The following STARD13 variants were observed in gnomAD, a reference collection of about 807,000 sequenced individuals.
STARD13 encodes StAR related lipid transfer domain containing 13, also known as stAR-related lipid transfer protein 13.
Under a neutral mutation model 106.4 loss-of-function variants are expected in STARD13, and 62 were observed. That is an observed-to-expected ratio of 0.58 (90% CI 0.48 to 0.72). The LOEUF (loss-of-function observed/expected upper bound fraction) is 0.72. STARD13 is among the 30% of genes least tolerant of loss of function. The pLI, the probability that STARD13 is intolerant of heterozygous loss-of-function variation, is 0.00. For missense variants in STARD13, 1,387 were observed against 1,424.0 expected (o/e 0.97, Z 0.42); for synonymous variants, 565 against 553.0 (o/e 1.02, Z -0.31).
the STARD13 span, among the ~76,000 whole-genome samples, chr13:33,515,219 T>G: frequency 6.6e-6 from 1 of 152,196 alleles, no homozygotes; most frequent in Non-Finnish European, 1.5e-5. Context: ...CCCTTTACTC[T>G]AATGAAGAGT....
the STARD13 span, among the ~76,000 whole-genome samples, chr13:33,648,783 C>CTTTTTTTT: frequency 6.9e-4 from 53 of 76,980 alleles, 1 homozygote; most frequent in African/African-American, 1.3e-3. Context: ...TTTTCTCTTT[C>CTTTTTTTT]TTTTTTTTTT....
At chr13:33,366,690 C>T in the STARD13 span, among the ~76,000 whole-genome samples, 6 of 152,268 alleles carry the variant, frequency 3.9e-5, no homozygotes, top group African/African-American at 9.6e-5. The surrounding 1 kb of genome is among the most constrained non-coding windows in gnomAD (Gnocchi z 4.2). Context: ...TCAGTAACAA[C>T]GATAGTATTG....
intron 1 of STARD13, among the ~76,000 whole-genome samples, chr13:33,267,230 G>T (rs1890940449): frequency 1.3e-5 from 2 of 152,168 alleles, no homozygotes; most frequent in Admixed American, 1.3e-4. Context: ...TTTGAAGGAA[G>T]ACACATAAAA....
chr13:33,327,917 G>T (rs2077794773), intron 1 of STARD13, among the ~76,000 whole-genome samples: 1 of 152,172 alleles, frequency 6.6e-6, no homozygotes, highest in Non-Finnish European at 1.5e-5. Flanking sequence ...TTCTTGTGCG[G>T]TTCAAAAGTT....
intron 1 of STARD13, among the ~76,000 whole-genome samples, chr13:33,311,129 TAAAA>T (rs35391177): frequency 2.3e-5 from 3 of 128,444 alleles, no homozygotes; most frequent in African/African-American, 8.5e-5. Flanking sequence ...CACCATTTCT[TAAAA>T]AAAAAAAAAA....
intron 7 of STARD13, among the ~76,000 whole-genome samples, chr13:33,119,412 C>T (rs1467073947): frequency 6.6e-6 from 1 of 152,170 alleles, no homozygotes; most frequent in Non-Finnish European, 1.5e-5. Context: ...CTCATCCCCC[C>T]TATACCTGGA....
At chr13:33,430,856 TA>T in the STARD13 span, among the ~76,000 whole-genome samples, 33 of 151,988 alleles carry the variant, frequency 2.2e-4, no homozygotes, top group African/African-American at 7.5e-4. Context: ...ATGTGGGAGC[TA>T]AAAAAGTGGA....
At chr13:33,186,155 A>G (rs540947457) in intron 1 of STARD13, 4 of 1,042,830 alleles carry the variant, frequency 3.8e-6, no homozygotes, top group African/African-American at 1.6e-5. Flanking sequence ...AAGCCTCCAC[A>G]CTTCCTTTCC....
intron 1 of STARD13, among the ~76,000 whole-genome samples, chr13:33,234,105 G>C (rs1566089253): frequency 6.6e-6 from 1 of 152,150 alleles, no homozygotes; most frequent in Non-Finnish European, 1.5e-5. Flanking sequence ...CGTACAAATA[G>C]AAAAATATGC....
At chr13:33,123,062 A>AAAAAAAAAAAAAG (rs1876600832) in intron 7 of STARD13, among the ~76,000 whole-genome samples, 1 of 149,438 alleles carries the variant, frequency 6.7e-6, no homozygotes, top group Non-Finnish European at 1.5e-5. Flanking sequence ...TCTCAAAAAA[A>AAAAAAAAAAAAAG]AAAAAAAAAA....
the STARD13 span, among the ~76,000 whole-genome samples, chr13:33,507,819 C>T: frequency 2.7e-4 from 41 of 151,730 alleles, no homozygotes; most frequent in African/African-American, 8.2e-4. Flanking sequence ...GAAAATCATA[C>T]GGAAGAGAAA....
chr13:33,446,579 G>C, the STARD13 span, among the ~76,000 whole-genome samples: 2 of 151,900 alleles, frequency 1.3e-5, no homozygotes, highest in African/African-American at 2.4e-5. Flanking sequence ...TTATACATAA[G>C]AGTAAAATGA....
chr13:33,372,764 C>T, the STARD13 span, among the ~76,000 whole-genome samples: 7 of 151,462 alleles, frequency 4.6e-5, no homozygotes, highest in Admixed American at 1.3e-4. Flanking sequence ...AAAGTAAAAC[C>T]GAGACAGGAT....
intron 1 of STARD13, among the ~76,000 whole-genome samples, chr13:33,315,601 C>T (rs1221575309): frequency 1.3e-5 from 2 of 152,116 alleles, no homozygotes; most frequent in African/African-American, 2.4e-5. Flanking sequence ...TATTTACAGA[C>T]ATCAGGTTTC....
intron 1 of STARD13, among the ~76,000 whole-genome samples, chr13:33,294,183 G>T (rs1389366553): frequency 6.6e-6 from 1 of 152,180 alleles, no homozygotes; most frequent in African/African-American, 2.4e-5. Context: ...GTTACAAATT[G>T]TATAGGCATG....
At chr13:33,403,649 A>C in the STARD13 span, among the ~76,000 whole-genome samples, 2 of 152,244 alleles carry the variant, frequency 1.3e-5, no homozygotes, top group African/African-American at 4.8e-5. Flanking sequence ...CATGACTTCA[A>C]GTACGCATCC....
At chr13:33,279,251 G>A (rs1236110515) in intron 1 of STARD13, among the ~76,000 whole-genome samples, 2 of 152,000 alleles carry the variant, frequency 1.3e-5, no homozygotes, top group Non-Finnish European at 2.9e-5. Flanking sequence ...TCTGTTTTAG[G>A]TCATCAATTG....
the STARD13 span, among the ~76,000 whole-genome samples, chr13:33,521,604 G>A: frequency 6.6e-6 from 1 of 152,078 alleles, no homozygotes; most frequent in Admixed American, 6.6e-5. Flanking sequence ...AGTGAAAGCA[G>A]ATAATAGAAA....
the STARD13 span, among the ~76,000 whole-genome samples, chr13:33,641,762 G>T: frequency 6.6e-6 from 1 of 152,004 alleles, no homozygotes; most frequent in African/African-American, 2.4e-5. Context: ...ATTCTCATTT[G>T]TTCGAGATCA....
Sources: gnomAD v4.1 joint callset for allele counts (sites outside exome capture counted in the v4.1 genomes callset) on GRCh38, gnomAD v4.1.1 for gene constraint, Gnocchi (gnomAD v3.1) non-coding constraint, MANE v1.5 for transcripts, NCBI Gene and HGNC (gene_info 2026-07-23, HGNC 2026-07-21) for gene names.